The following NCKAP5 variants were observed in gnomAD, a reference collection of about 807,000 sequenced individuals.
NCKAP5 encodes the protein NCK associated protein 5.
NCKAP5 carries 92 observed loss-of-function variants against 167.0 expected under a neutral mutation model. That is an observed-to-expected ratio of 0.55 (90% CI 0.47 to 0.66). The LOEUF is 0.66. Among genes scored for constraint, NCKAP5 ranks in the 30% least tolerant of loss-of-function variants. The pLI is 0.00. For missense variants in NCKAP5, 2,378 were observed against 2,315.0 expected (o/e 1.03, Z -0.56); for synonymous variants, 891 against 877.4 (o/e 1.02, Z -0.27).
chr2:133,608,933 C>A, the NCKAP5 span, among the ~76,000 whole-genome samples: 1 of 152,180 alleles, frequency 6.6e-6, no homozygotes, highest in African/African-American at 2.4e-5. Context: ...AATGGATTGG[C>A]ATTTTTTGAA....
chr2:133,525,366 T>C (rs1015282421), intron 2 of NCKAP5, among the ~76,000 whole-genome samples: 1 of 152,322 alleles, frequency 6.6e-6, no homozygotes, highest in Middle Eastern at 3.4e-3. Flanking sequence ...ATGGTTTCAA[T>C]GCCAGACAGG....
At chr2:133,139,993 G>T (rs575724317) in intron 5 of NCKAP5, among the ~76,000 whole-genome samples, 2 of 152,050 alleles carry the variant, frequency 1.3e-5, no homozygotes, top group Non-Finnish European at 1.5e-5. Flanking sequence ...CAGTCAAAAG[G>T]CTCAATTCTC....
At chr2:133,588,955 G>A in the NCKAP5 span, among the ~76,000 whole-genome samples, 28,869 of 152,092 alleles carry the variant, frequency 0.19, 2,976 homozygotes, top group Non-Finnish European at 0.22. Flanking sequence ...ATGATGGAGC[G>A]GCAGGGAGGA....
intron 8 of NCKAP5, among the ~76,000 whole-genome samples, chr2:132,956,521 A>G (rs1176422702): frequency 1.3e-5 from 2 of 152,144 alleles, no homozygotes; most frequent in African/African-American, 2.4e-5. Flanking sequence ...TCTTGCATTC[A>G]TACTTCTCTC....
At chr2:133,531,636 C>G (rs915850518) in intron 2 of NCKAP5, among the ~76,000 whole-genome samples, 2 of 152,080 alleles carry the variant, frequency 1.3e-5, no homozygotes, top group Non-Finnish European at 2.9e-5. Flanking sequence ...TTAGCAGAAA[C>G]TTTTGCTCCT....
chr2:133,492,992 A>G (rs1681601812), intron 3 of NCKAP5, among the ~76,000 whole-genome samples: 1 of 152,196 alleles, frequency 6.6e-6, no homozygotes, highest in Non-Finnish European at 1.5e-5. Flanking sequence ...TTCCAAGATG[A>G]AGGTCATTAA....
chr2:133,267,032 C>T (rs1489888111), intron 4 of NCKAP5, among the ~76,000 whole-genome samples: 4 of 150,436 alleles, frequency 2.7e-5, no homozygotes, highest in Admixed American at 2.0e-4. Flanking sequence ...CAATCATAAT[C>T]AGTCTCAACC....
At chr2:132,874,850 T>C (rs188585313) in intron 9 of NCKAP5, among the ~76,000 whole-genome samples, 114 of 152,312 alleles carry the variant, frequency 7.5e-4, no homozygotes, top group African/African-American at 2.6e-3. Flanking sequence ...ATCTTTCTGA[T>C]GCAAAGGGCT....
At chr2:132,795,590 G>A (rs1684513122) in intron 12 of NCKAP5, among the ~76,000 whole-genome samples, 1 of 152,076 alleles carries the variant, frequency 6.6e-6, no homozygotes, top group Non-Finnish European at 1.5e-5. Context: ...GGAGGCCGAG[G>A]CAGGCAGATC....
chr2:133,561,385 G>A (rs191046026), intron 1 of NCKAP5, among the ~76,000 whole-genome samples: 1 of 152,322 alleles, frequency 6.6e-6, no homozygotes, highest in Non-Finnish European at 1.5e-5. Flanking sequence ...AATAAGTGGG[G>A]AGAAAATCAG....
chr2:133,652,560 G>A, the NCKAP5 span, among the ~76,000 whole-genome samples: 1 of 152,200 alleles, frequency 6.6e-6, no homozygotes. Context: ...CCTGTAGTAT[G>A]CATTCTTGGT....
At chr2:133,517,379 C>T (rs758360627) in intron 3 of NCKAP5, 79 bp downstream of exon 3, 13 of 659,188 alleles carry the variant, frequency 2.0e-5, no homozygotes, top group East Asian at 9.7e-5. Context: ...AAAAGCACAG[C>T]GTTCAGGAAA....
At chr2:133,218,145 T>C (rs13408344) in intron 4 of NCKAP5, among the ~76,000 whole-genome samples, 4,123 of 152,206 alleles carry the variant, frequency 0.027, 205 homozygotes, top group African/African-American at 0.094. Context: ...TAAATAAAAA[T>C]GTAATTTATT....
chr2:132,873,639 A>G (rs948206222), intron 9 of NCKAP5, among the ~76,000 whole-genome samples: 1 of 152,256 alleles, frequency 6.6e-6, no homozygotes, highest in Non-Finnish European at 1.5e-5. Context: ...AAAAGGGTGA[A>G]CAGTGAACCC....
At chr2:133,336,882 C>T (rs1327413727) in intron 3 of NCKAP5, among the ~76,000 whole-genome samples, 5 of 152,148 alleles carry the variant, frequency 3.3e-5, no homozygotes, top group Non-Finnish European at 7.4e-5. Context: ...TATATCCCTA[C>T]CGGGTCTCAC....
At chr2:133,118,826 A>C (rs2149749596) in intron 6 of NCKAP5, 1 of 152,196 alleles carries the variant, frequency 6.6e-6, no homozygotes, top group Middle Eastern at 3.4e-3. Context: ...TTATAAGTTG[A>C]TGGTGGTCTA....
At chr2:132,734,507 T>G (rs954004387) in intron 16 of NCKAP5, among the ~76,000 whole-genome samples, 1 of 152,140 alleles carries the variant, frequency 6.6e-6, no homozygotes, top group African/African-American at 2.4e-5. Context: ...CCTGCCCTAA[T>G]AATTTACCCC....
chr2:133,571,037 T>A (rs547226793), upstream of NCKAP5, among the ~76,000 whole-genome samples: 2 of 152,274 alleles, frequency 1.3e-5, no homozygotes, highest in Non-Finnish European at 2.9e-5. Context: ...AGAAAAAGAA[T>A]GACTGAAAAT....
In NCKAP5 at chr2:133,130,014, C is replaced by A; in HGVS notation, c.305G>T (p.Arg102Ile). The A allele has an allele frequency of 6.2e-7, 1 of 1,610,868 alleles. No homozygotes were observed. The highest frequency in any genetic ancestry group is 8.5e-7 in the Non-Finnish European group (1 of 1,178,820). ...CTGCTGCAAGCTACGCATCTGAATT[C>A]TGTTGCGTTCAGACTCTAGGGTCAC... ...QEVTLESERN[R>I]IQMRSLQQQF... Residue 102 changes from arginine (R) to isoleucine (I), a missense_variant, in exon 6 of 20, where the codon AGA becomes ATA. Transcript: ENST00000409261.
Sources: allele counts gnomAD v4.1 joint callset (sites outside exome capture counted in the v4.1 genomes callset), GRCh38; gene constraint gnomAD v4.1.1; transcripts MANE v1.5; gene names NCBI Gene and HGNC (gene_info 2026-07-23, HGNC 2026-07-21).